FGGY: variants seen among roughly 807,000 people sequenced by gnomAD.
FGGY encodes FGGY carbohydrate kinase domain-containing protein.
In FGGY, 72 loss-of-function variants were observed where a neutral mutation model predicts 71.3. That is an observed-to-expected ratio of 1.01 (90% CI 0.84 to 1.23). The LOEUF (loss-of-function observed/expected upper bound fraction) is 1.23, where lower values mean the gene tolerates loss of function less well. Among genes scored for constraint, FGGY ranks in the 50% most tolerant of loss-of-function variants. The pLI, the probability that FGGY is intolerant of heterozygous loss-of-function variation, is 0.00. For missense variants in FGGY, 668 were observed against 682.3 expected (o/e 0.98, Z 0.23); for synonymous variants, 251 against 250.3 (o/e 1.00, Z -0.02).
At chr1:59,641,980 A>C (rs1019497181) in intron 11 of FGGY, among the ~76,000 whole-genome samples, 1 of 152,124 alleles carries the variant, frequency 6.6e-6, no homozygotes, top group Non-Finnish European at 1.5e-5. Flanking sequence ...CAGTGAGTTT[A>C]AATTCCTAGA....
At chr1:59,375,739 G>C (rs1219072924) in intron 4 of FGGY, among the ~76,000 whole-genome samples, 1 of 152,146 alleles carries the variant, frequency 6.6e-6, no homozygotes, top group Admixed American at 6.5e-5. Flanking sequence ...TATTCCCAGT[G>C]TCTCTTTTTG....
intron 6 of FGGY, among the ~76,000 whole-genome samples, chr1:59,488,068 T>C (rs2093708018): frequency 6.6e-6 from 1 of 152,198 alleles, no homozygotes; most frequent in Non-Finnish European, 1.5e-5. Flanking sequence ...TATGCCAGTG[T>C]GTAGTCTGCA....
intron 14 of FGGY, among the ~76,000 whole-genome samples, chr1:59,694,214 G>C (rs1259933341): frequency 6.6e-6 from 1 of 151,598 alleles, no homozygotes; most frequent in African/African-American, 2.4e-5. Context: ...GCGTGAACCC[G>C]GGAGGAGGAG....
chr1:59,608,281 A>G (rs1482247879), intron 9 of FGGY, among the ~76,000 whole-genome samples: 1 of 152,032 alleles, frequency 6.6e-6, no homozygotes, highest in Non-Finnish European at 1.5e-5. Context: ...TGGCTGCATT[A>G]TACACTTCAT....
intron 14 of FGGY, among the ~76,000 whole-genome samples, chr1:59,702,935 T>TTC (rs2097721783): frequency 6.6e-6 from 1 of 151,738 alleles, no homozygotes; most frequent in Admixed American, 6.6e-5. Flanking sequence ...CTTGGGAGGG[T>TTC]TCTGGCTGTT....
In FGGY at chr1:59,449,409, G is replaced by C. The variant is rs2072107652; in HGVS notation, c.555-7552G>C. ...AGCAATTCTCCTGCCTCAGCCTCCTGAGTAGCTGATTACAGGCGCACACCA... is the reference window on the plus strand; with the variant it reads ...AGCAATTCTCCTGCCTCAGCCTCCTCAGTAGCTGATTACAGGCGCACACCA... On this transcript the variant is annotated intron_variant, in intron 5 of 15. Coordinates refer to ENST00000303721, the MANE Select transcript of FGGY (RefSeq NM_018291.5). Among the ~76,000 whole-genome samples, 4 of 152,052 alleles carry C rather than the reference G, an allele frequency of 2.6e-5. 1 individual carries two copies. In the South Asian group the frequency reaches 8.3e-4, roughly 31 times the overall value.
intron 14 of FGGY, among the ~76,000 whole-genome samples, chr1:59,732,176 G>C (rs2098040555): frequency 6.6e-6 from 1 of 152,116 alleles, no homozygotes; most frequent in Non-Finnish European, 1.5e-5. Flanking sequence ...TAATCCAGTT[G>C]TACAAAGAGG....
At chr1:59,479,746 T>C (rs2093402973) in intron 6 of FGGY, among the ~76,000 whole-genome samples, 1 of 152,166 alleles carries the variant, frequency 6.6e-6, no homozygotes, top group African/African-American at 2.4e-5. Context: ...TAGAGAAATC[T>C]TGGAGGATTA....
At chr1:59,372,277 A>C (rs1034294912) in intron 4 of FGGY, among the ~76,000 whole-genome samples, 21 of 152,340 alleles carry the variant, frequency 1.4e-4, no homozygotes, top group African/African-American at 5.1e-4. Flanking sequence ...AATACTACAA[A>C]CACCTCTACG....
At chr1:59,378,922 C>A in intron 5 of FGGY, 85 bp downstream of exon 5, 1 of 1,123,520 alleles carries the variant, frequency 8.9e-7, no homozygotes, top group Non-Finnish European at 1.3e-6. Flanking sequence ...CTCTCTTTGA[C>A]TGGATATACT....
At chr1:59,707,578 A>C (rs932093539) in intron 14 of FGGY, among the ~76,000 whole-genome samples, 4 of 152,208 alleles carry the variant, frequency 2.6e-5, no homozygotes, top group Non-Finnish European at 5.9e-5. Context: ...GCTGAGGGTA[A>C]ACCAAAACAC....
In FGGY at chr1:59,733,735, T is replaced by A. The variant is rs554705561; in HGVS notation, c.1513-24196T>A. 3.9e-5 allele frequency among the ~76,000 whole-genome samples: 6 copies of A among 152,294 alleles called. No homozygotes were observed. In the South Asian group the frequency reaches 1.0e-3, roughly 26 times the overall value. On this transcript the variant is annotated intron_variant, in intron 14 of 15. Transcript: ENST00000303721. ...CTCCATGTCCCTGAATTAAGCCCTG[T>A]GAGATCTAAAAACAGGAGCTCTGTG... is the stretch of plus-strand genomic sequence containing the variant.
chr1:59,734,690 C>A (rs569685601), intron 14 of FGGY, among the ~76,000 whole-genome samples: 1 of 152,354 alleles, frequency 6.6e-6, no homozygotes, highest in South Asian at 2.1e-4. Context: ...ACCCTCCTCT[C>A]CCCTCTCAGT....
chr1:59,435,745 CGT>C (rs10563712), intron 5 of FGGY, among the ~76,000 whole-genome samples: 44,447 of 141,856 alleles, frequency 0.31, 6,629 homozygotes, highest in African/African-American at 0.36. Context: ...TGTGTGCCTG[CGT>C]GTGTGTGTGT....
intron 5 of FGGY, among the ~76,000 whole-genome samples, chr1:59,381,279 G>C (rs568584931): frequency 2.6e-5 from 4 of 152,070 alleles, no homozygotes; most frequent in African/African-American, 9.7e-5. Flanking sequence ...ATGTGGGCTC[G>C]TTTTCGGTTC....
At chr1:59,476,567 C>T (rs2093276228) in intron 6 of FGGY, among the ~76,000 whole-genome samples, 1 of 152,226 alleles carries the variant, frequency 6.6e-6, no homozygotes, top group South Asian at 2.1e-4. Context: ...TGCCTGAAGT[C>T]ACATGTTTCA....
intron 13 of FGGY, among the ~76,000 whole-genome samples, chr1:59,670,942 T>C (rs910140039): frequency 2.0e-5 from 3 of 152,240 alleles, no homozygotes; most frequent in African/African-American, 7.2e-5. Context: ...TGGGACTAAA[T>C]GTTCCTTCTT....
At position 59,756,704 on chromosome 1, in the gene FGGY, A is replaced by G. The variant is rs534508797; in HGVS notation, c.1513-1227A>G. Among the ~76,000 whole-genome samples, 11 of 152,288 alleles carry G rather than the reference A, an allele frequency of 7.2e-5. No homozygotes were observed. The South Asian group carries it at 1.2e-3, about 17-fold the overall frequency. On this transcript the variant is annotated intron_variant, in intron 14 of 15. Coordinates refer to ENST00000303721, the MANE Select transcript of FGGY (RefSeq NM_018291.5). ...CAAGTCCTTGCCCTGTGTAGCTTAC[A>G]TTCCGGTTAGGGCAAGGAGTGGAGA...
At chr1:59,520,513 C>G (rs756096443) in intron 7 of FGGY, among the ~76,000 whole-genome samples, 5 of 152,186 alleles carry the variant, frequency 3.3e-5, no homozygotes, top group South Asian at 2.1e-4. Flanking sequence ...ACCAATCACT[C>G]TCTATGCTGT....
Sources: gnomAD v4.1 joint callset for allele counts (sites outside exome capture counted in the v4.1 genomes callset) on GRCh38, gnomAD v4.1.1 for gene constraint, MANE v1.5 for transcripts, NCBI Gene and HGNC (gene_info 2026-07-23, HGNC 2026-07-21) for gene names.